The following KCNB2 variants were observed in gnomAD, a reference collection of about 807,000 sequenced individuals.
KCNB2 encodes potassium voltage-gated channel subfamily B member 2.
KCNB2 carries 15 observed loss-of-function variants against 61.5 expected under a neutral mutation model. That is an observed-to-expected ratio of 0.24 (90% CI 0.16 to 0.38). The LOEUF is 0.38. Among genes scored for constraint, KCNB2 ranks in the 10% least tolerant of loss-of-function variants. The pLI, the probability that KCNB2 is intolerant of heterozygous loss-of-function variation, is 1.00. For missense variants in KCNB2, 828 were observed against 1,125.2 expected (o/e 0.74, Z 3.78); for synonymous variants, 457 against 446.0 (o/e 1.02, Z -0.31).
chr8:72,610,228 T>G (rs2128983283), intron 2 of KCNB2, among the ~76,000 whole-genome samples: 1 of 152,316 alleles, frequency 6.6e-6, no homozygotes, highest in East Asian at 1.9e-4. Flanking sequence ...GATGTTGTAC[T>G]GAAATATAAT....
chr8:72,545,417 G>A (rs1367223803), intron 1 of KCNB2, among the ~76,000 whole-genome samples: 2 of 152,032 alleles, frequency 1.3e-5, no homozygotes, highest in African/African-American at 2.4e-5. Context: ...GTCACATTTT[G>A]GTAATTCTCC....
intron 2 of KCNB2, among the ~76,000 whole-genome samples, chr8:72,574,530 C>T (rs1028148636): frequency 1.3e-5 from 2 of 152,166 alleles, no homozygotes; most frequent in African/African-American, 2.4e-5. Flanking sequence ...GAATCATGCA[C>T]TTTTTGGTTC....
chr8:72,890,358 C>T (rs941287960), intron 2 of KCNB2, among the ~76,000 whole-genome samples: 8 of 152,206 alleles, frequency 5.3e-5, no homozygotes, highest in Non-Finnish European at 1.0e-4. Context: ...AACTCTGCTG[C>T]TTTGCAGACA....
chr8:72,575,819 T>G (rs910840233), intron 2 of KCNB2, among the ~76,000 whole-genome samples: 3 of 152,314 alleles, frequency 2.0e-5, no homozygotes, highest in Admixed American at 1.3e-4. Context: ...GAATGCTTTG[T>G]TTTCCACAAA....
intron 2 of KCNB2, among the ~76,000 whole-genome samples, chr8:72,586,772 A>G (rs1321666792): frequency 6.6e-6 from 1 of 152,218 alleles, no homozygotes; most frequent in Non-Finnish European, 1.5e-5. Context: ...CAGACATTGT[A>G]AACAACCCTC....
chr8:72,547,388 A>G (rs1384327938), intron 1 of KCNB2, among the ~76,000 whole-genome samples: 1 of 152,234 alleles, frequency 6.6e-6, no homozygotes, highest in Non-Finnish European at 1.5e-5. Flanking sequence ...TGCCATATAT[A>G]GTGATTCCTC....
At chr8:72,556,923 G>T (rs1806437957) in intron 1 of KCNB2, among the ~76,000 whole-genome samples, 1 of 152,088 alleles carries the variant, frequency 6.6e-6, no homozygotes, top group Non-Finnish European at 1.5e-5. Context: ...CAAGATCAAG[G>T]TGCTGGCAGA....
chr8:72,841,683 C>A (rs1318218253), intron 2 of KCNB2, among the ~76,000 whole-genome samples: 1 of 150,930 alleles, frequency 6.6e-6, no homozygotes, highest in Non-Finnish European at 1.5e-5. Context: ...GTATTTTATT[C>A]TCTTTGTAGC....
At chr8:72,917,338 A>G (rs577824042) in intron 2 of KCNB2, among the ~76,000 whole-genome samples, 1 of 152,270 alleles carries the variant, frequency 6.6e-6, no homozygotes, top group Non-Finnish European at 1.5e-5. Flanking sequence ...TCAGTTGACT[A>G]AAAGTAATCA....
chr8:72,565,796 G>C (rs1299842165), intron 1 of KCNB2, among the ~76,000 whole-genome samples: 1 of 152,020 alleles, frequency 6.6e-6, no homozygotes, highest in Non-Finnish European at 1.5e-5. Flanking sequence ...TATTACTTTG[G>C]TCAGCTCTCT....
At chr8:72,693,912 C>G (rs1162753738) in intron 2 of KCNB2, among the ~76,000 whole-genome samples, 1 of 152,170 alleles carries the variant, frequency 6.6e-6, no homozygotes, top group African/African-American at 2.4e-5. Context: ...TAGAGTTCGA[C>G]ATTGTTTTTT....
chr8:72,745,942 G>T (rs969395887), intron 2 of KCNB2, among the ~76,000 whole-genome samples: 8 of 152,046 alleles, frequency 5.3e-5, no homozygotes, highest in African/African-American at 1.7e-4. Context: ...GGGTTTAGAG[G>T]CTACCTCCCA....
At chr8:72,886,373 T>A (rs1585952642) in intron 2 of KCNB2, among the ~76,000 whole-genome samples, 3 of 152,108 alleles carry the variant, frequency 2.0e-5, no homozygotes, top group African/African-American at 7.2e-5. Flanking sequence ...TACCAAACAC[T>A]AAAAAGAAAG....
intron 2 of KCNB2, among the ~76,000 whole-genome samples, chr8:72,758,165 G>A (rs999531604): frequency 6.6e-6 from 1 of 152,192 alleles, no homozygotes; most frequent in African/African-American, 2.4e-5. Flanking sequence ...TAAGGAGACT[G>A]CAGGAGAAAG....
At position 72,728,210 on chromosome 8, in the gene KCNB2, T is replaced by G. The variant is rs144323694; in HGVS notation, c.579+159897T>G. Reference sequence around the variant, plus strand: ...AGACATTTCTGCTCAGTTTTTAACTTGAGAGAATGGAAATAAACGTTAACC... The same window carrying G: ...AGACATTTCTGCTCAGTTTTTAACTGGAGAGAATGGAAATAAACGTTAACC... On this transcript the variant is annotated intron_variant, in intron 2 of 2. Coordinates refer to ENST00000523207, the MANE Select transcript of KCNB2 (RefSeq NM_004770.3). Among the ~76,000 whole-genome samples the G allele has an allele frequency of 5.3e-3, 801 of 152,276 alleles. 5 individuals are homozygous for G. Among genetic ancestry groups the G allele is most frequent in the African/African-American group, 0.018 (755 of 41,548 alleles).
intron 2 of KCNB2, among the ~76,000 whole-genome samples, chr8:72,862,778 C>T (rs1325939217): frequency 6.6e-6 from 1 of 152,096 alleles, no homozygotes; most frequent in African/African-American, 2.4e-5. Context: ...ATTTTTACTT[C>T]TCAATCCGAA....
At chr8:72,605,293 T>C (rs1805425801) in intron 2 of KCNB2, among the ~76,000 whole-genome samples, 1 of 152,198 alleles carries the variant, frequency 6.6e-6, no homozygotes, top group Admixed American at 6.5e-5. Flanking sequence ...TGCTTGCTCC[T>C]TGGCAGCTGG....
chr8:72,569,618 C>G (rs1038676), intron 2 of KCNB2, among the ~76,000 whole-genome samples: 10 of 148,852 alleles, frequency 6.7e-5, no homozygotes, highest in Non-Finnish European at 5.9e-5. Flanking sequence ...AAGTTGTTTA[C>G]TTTCATTTTA....
intron 2 of KCNB2, among the ~76,000 whole-genome samples, chr8:72,933,375 G>A (rs369076824): frequency 2.0e-5 from 3 of 152,298 alleles, no homozygotes; most frequent in East Asian, 3.9e-4. Context: ...GCCAAAAGGT[G>A]GAAGGCAATA....
Sources: allele counts gnomAD v4.1 joint callset (sites outside exome capture counted in the v4.1 genomes callset), GRCh38; gene constraint gnomAD v4.1.1; transcripts MANE v1.5; gene names NCBI Gene and HGNC (gene_info 2026-07-23, HGNC 2026-07-21).